KALRN: variants seen among roughly 807,000 people sequenced by gnomAD.
KALRN encodes the protein kalirin.
Under a neutral mutation model 353.7 loss-of-function variants are expected in KALRN, and 70 were observed. The observed-to-expected ratio is 0.20, with a 90% CI of 0.16 to 0.24. KALRN has a LOEUF of 0.24. Ranked by LOEUF, KALRN falls within the 10% of genes least tolerant of loss-of-function variation. The pLI is 1.00. For synonymous variants in KALRN, 1,391 were observed against 1,434.8 expected (o/e 0.97, Z 0.69); for missense variants, 2,791 against 3,756.7 (o/e 0.74, Z 6.72).
intron 1 of KALRN, among the ~76,000 whole-genome samples, chr3:124,194,034 C>T (rs1215839735): frequency 6.6e-6 from 1 of 152,172 alleles, no homozygotes; most frequent in African/African-American, 2.4e-5. Flanking sequence ...AGTTGCTCAA[C>T]AGATATTCAC....
chr3:124,594,273 T>C (rs534853024), intron 34 of KALRN, among the ~76,000 whole-genome samples: 141 of 152,368 alleles, frequency 9.3e-4, no homozygotes, highest in African/African-American at 3.2e-3. Context: ...GTCACCAGGC[T>C]GGAGTGCAGT....
At chr3:124,679,539 C>T (rs762210053) in intron 51 of KALRN, 22 bp downstream of exon 51, 1 of 1,594,068 alleles carries the variant, frequency 6.3e-7, no homozygotes, top group Non-Finnish European at 8.6e-7. Context: ...TATTGTTGTC[C>T]TATTTCCTAC....
chr3:124,595,327 T>C (rs1561373566), intron 34 of KALRN, among the ~76,000 whole-genome samples: 1 of 152,182 alleles, frequency 6.6e-6, no homozygotes, highest in Admixed American at 6.5e-5. Flanking sequence ...GATTGTTAAA[T>C]AGTCAGGATT....
Position 124,442,004 on chromosome 3 carries a change from C to T in KALRN, c.3258C>T (p.Asn1086=), listed in dbSNP as rs371971505. ...TTCTCAAGTACATCCACAGGAACAA[C>T]GTCAGCATGCCCAGTGTCGCCAGCC... The part of the protein sequence containing the change: ...EVFLKYIHRN[N]VSMPSVASHT... The change falls in exon 19 of 60, where the codon AAC becomes AAT. Residue 1086 remains asparagine, a synonymous_variant. Coordinates refer to ENST00000682506, the MANE Select transcript of KALRN (RefSeq NM_001388419.1). The T allele has an allele frequency of 2.7e-5, 44 of 1,607,616 alleles. No individual in the cohort carries two copies. The highest frequency in any genetic ancestry group is 1.7e-4 in the African/African-American group (13 of 74,690).
chr3:124,242,342 A>G (rs921673991), intron 3 of KALRN, among the ~76,000 whole-genome samples: 1 of 152,202 alleles, frequency 6.6e-6, no homozygotes, highest in Non-Finnish European at 1.5e-5. Flanking sequence ...CCTTTTACAT[A>G]TCAGGAAACT....
intron 13 of KALRN, among the ~76,000 whole-genome samples, chr3:124,411,692 C>T (rs1204951062): frequency 3.3e-5 from 5 of 152,068 alleles, no homozygotes; most frequent in African/African-American, 9.7e-5. Flanking sequence ...GTGATCCTCC[C>T]GCCTTGGCCT....
chr3:124,320,601 A>G (rs992811507), intron 6 of KALRN, among the ~76,000 whole-genome samples: 5 of 152,204 alleles, frequency 3.3e-5, no homozygotes, highest in Admixed American at 3.3e-4. Flanking sequence ...AGATGGCCCC[A>G]CTTCTGAGCG....
intron 37 of KALRN, among the ~76,000 whole-genome samples, chr3:124,644,988 G>A (rs149006384): frequency 0.24 from 35,839 of 152,128 alleles, 4,526 homozygotes; most frequent in East Asian, 0.47. Context: ...TCCAGGATCT[G>A]TTGTTTCCTG....
At chr3:124,668,094 A>G (rs1228779024) in intron 47 of KALRN, among the ~76,000 whole-genome samples, 1 of 131,472 alleles carries the variant, frequency 7.6e-6, no homozygotes, top group Non-Finnish European at 1.6e-5. Flanking sequence ...ACACACACAC[A>G]ACCACCTTTG....
chr3:124,239,434 G>A (rs558004208), intron 3 of KALRN, among the ~76,000 whole-genome samples: 378 of 152,324 alleles, frequency 2.5e-3, no homozygotes, highest in South Asian at 6.2e-3. Context: ...AAGGGCACCA[G>A]TTGATGTATC....
intron 1 of KALRN, among the ~76,000 whole-genome samples, chr3:124,047,489 C>T (rs1274095199): frequency 7.5e-6 from 1 of 133,108 alleles, no homozygotes; most frequent in Non-Finnish European, 1.6e-5. Flanking sequence ...CTTCATAGAA[C>T]ACTTTTTTTT....
rs199646993 is a variant in KALRN at position 124,699,900 on chromosome 3, G to A, written c.7863G>A (p.Ser2621=). The change falls in exon 56 of 60, where the codon TCG becomes TCA. Residue 2621 remains serine (S), a synonymous_variant. Coordinates refer to ENST00000682506, the MANE Select transcript of KALRN (RefSeq NM_001388419.1). ...AGATCTGGCAGCAGTCAGTGGCTTC[G>A]ACCTTGGACACTTACCTCGTCATCG... ...GSQIWQQSVA[S]TLDTYLVIED... The A allele has an allele frequency of 2.3e-5, 37 of 1,614,166 alleles. No individual in the cohort carries two copies. The highest frequency in any genetic ancestry group is 1.6e-4 in the Middle Eastern group (1 of 6,062).
chr3:124,404,943 C>T (rs1230023632), intron 13 of KALRN, among the ~76,000 whole-genome samples: 1 of 152,114 alleles, frequency 6.6e-6, no homozygotes, highest in Admixed American at 6.5e-5. Context: ...TTGTAACATG[C>T]CAAATCCACC....
At chr3:124,642,810 T>TTTTGTTGTTG (rs1176279209) in intron 37 of KALRN, among the ~76,000 whole-genome samples, 1 of 137,856 alleles carries the variant, frequency 7.3e-6, no homozygotes. Context: ...AGCCTCGTTT[T>TTTTGTTGTTG]TTTTTTTTTT....
At chr3:124,410,424 C>A in intron 13 of KALRN, 1 of 370,664 alleles carries the variant, frequency 2.7e-6, no homozygotes, top group Non-Finnish European at 5.3e-6. Flanking sequence ...GTGATTTGGG[C>A]TATTTTACAT....
intron 57 of KALRN, among the ~76,000 whole-genome samples, chr3:124,706,276 G>A (rs2062609846): frequency 6.6e-6 from 1 of 152,194 alleles, no homozygotes; most frequent in African/African-American, 2.4e-5. Flanking sequence ...CACAGTTGAA[G>A]GCAGTGGAGC....
At chr3:124,406,198 A>G (rs1199969284) in intron 13 of KALRN, among the ~76,000 whole-genome samples, 1 of 152,192 alleles carries the variant, frequency 6.6e-6, no homozygotes, top group Non-Finnish European at 1.5e-5. Context: ...GTCTTTAGCT[A>G]TTTAAACAAA....
Position 124,334,456 on chromosome 3 carries a change from G to T in KALRN, c.1608G>T (p.Gln536His). The T allele has an allele frequency of 6.2e-7, 1 of 1,613,994 alleles. No individual in the cohort carries two copies. The highest frequency in any genetic ancestry group is 8.5e-7 in the Non-Finnish European group (1 of 1,179,908). The change falls in exon 9 of 60, where the codon CAG (glutamine) becomes CAT (histidine). Residue 536 changes from glutamine (Q) to histidine (H), a missense_variant. Gln to His is a conservative substitution (Grantham distance 24, BLOSUM62 0). Transcript: ENST00000682506. This position sits in a 1 kb window ranked among gnomAD's most constrained non-coding sequence, Gnocchi z 4.2. ...IWQHRKVRLH[Q>H]RLQLCVFQQD... ...AGCACCGCAAGGTGCGGCTCCACCAGCGGCTGCAGCTCTGCGTCTTCCAGC... is the reference window on the plus strand; with the variant it reads ...AGCACCGCAAGGTGCGGCTCCACCATCGGCTGCAGCTCTGCGTCTTCCAGC...
chr3:124,714,994 CG>C (rs1466563620), intron 58 of KALRN, among the ~76,000 whole-genome samples: 1 of 130,212 alleles, frequency 7.7e-6, no homozygotes, highest in African/African-American at 3.0e-5. Context: ...CCAGCCTAGG[CG>C]ACAGAGTGAG....
Sources: gnomAD v4.1 joint callset for allele counts (sites outside exome capture counted in the v4.1 genomes callset) on GRCh38, gnomAD v4.1.1 for gene constraint, Gnocchi (gnomAD v3.1) non-coding constraint, MANE v1.5 for transcripts, NCBI Gene and HGNC (gene_info 2026-07-23, HGNC 2026-07-21) for gene names.